NCKAP5: variants seen among roughly 807,000 people sequenced by gnomAD.
The protein encoded by NCKAP5 is NCK associated protein 5, also known as nck-associated protein 5.
In NCKAP5, 92 loss-of-function variants were observed where a neutral mutation model predicts 167.0. The ratio of observed to expected loss-of-function variants is 0.55; its 90% CI spans 0.47 to 0.66. The LOEUF (loss-of-function observed/expected upper bound fraction) is 0.66. Among genes scored for constraint, NCKAP5 ranks in the 30% least tolerant of loss-of-function variants. The pLI is 0.00. For missense variants in NCKAP5, 2,378 were observed against 2,315.0 expected (o/e 1.03, Z -0.56); for synonymous variants, 891 against 877.4 (o/e 1.02, Z -0.27).
chr2:133,483,646 C>T (rs1680657706), intron 3 of NCKAP5, among the ~76,000 whole-genome samples: 2 of 151,336 alleles, frequency 1.3e-5, no homozygotes, highest in Non-Finnish European at 1.5e-5. Context: ...GGCTTTTTCT[C>T]TCTTAAAATA....
chr2:132,865,820 AC>A (rs2148741086), intron 10 of NCKAP5, among the ~76,000 whole-genome samples: 1 of 152,232 alleles, frequency 6.6e-6, no homozygotes. Flanking sequence ...CTATGAGCAA[AC>A]TTTTTTTTTA....
intron 3 of NCKAP5, among the ~76,000 whole-genome samples, chr2:133,493,182 A>T (rs1681619777): frequency 6.6e-6 from 1 of 152,238 alleles, no homozygotes; most frequent in Non-Finnish European, 1.5e-5. Context: ...ATGCAATTCT[A>T]AATGTACTCT....
intron 11 of NCKAP5, among the ~76,000 whole-genome samples, chr2:132,800,927 C>A (rs1362550979): frequency 6.6e-6 from 1 of 152,306 alleles, no homozygotes; most frequent in African/African-American, 2.4e-5. Flanking sequence ...TGTCACGAAA[C>A]CTCGGGAACC....
intron 3 of NCKAP5, among the ~76,000 whole-genome samples, chr2:133,310,069 C>T (rs1681121849): frequency 6.6e-6 from 1 of 152,148 alleles, no homozygotes; most frequent in Admixed American, 6.5e-5. Flanking sequence ...ACTACCACAA[C>T]AAAGTAATTT....
chr2:132,691,723 C>G (rs1686754866), intron 19 of NCKAP5, among the ~76,000 whole-genome samples: 3 of 152,134 alleles, frequency 2.0e-5, no homozygotes, highest in Admixed American at 6.6e-5. Flanking sequence ...CAGAAACATT[C>G]CAACAATAAG....
intron 3 of NCKAP5, among the ~76,000 whole-genome samples, chr2:133,383,682 CA>C (rs1686701420): frequency 6.6e-6 from 1 of 152,218 alleles, no homozygotes; most frequent in Admixed American, 6.5e-5. Flanking sequence ...GTCCCACCAA[CA>C]GTGTAAAAGT....
At chr2:133,168,350 C>T (rs1453487492) in intron 5 of NCKAP5, among the ~76,000 whole-genome samples, 2 of 150,106 alleles carry the variant, frequency 1.3e-5, no homozygotes, top group African/African-American at 4.9e-5. Context: ...AGCATATGAC[C>T]ATATATAAAG....
intron 3 of NCKAP5, among the ~76,000 whole-genome samples, chr2:133,403,868 C>G (rs1253425380): frequency 1.3e-5 from 2 of 151,116 alleles, no homozygotes; most frequent in Non-Finnish European, 2.9e-5. Context: ...TTCCCATAAG[C>G]TGGTCTGCAG....
At chr2:132,750,423 C>T (rs1374862212) in intron 16 of NCKAP5, among the ~76,000 whole-genome samples, 1 of 152,120 alleles carries the variant, frequency 6.6e-6, no homozygotes, top group Non-Finnish European at 1.5e-5. Flanking sequence ...ATTGAATGTG[C>T]TTTTGTTTCT....
rs139352220 is a variant in NCKAP5, at chr2:133,377,673, A to G, written c.70-74563T>C. On this transcript the variant is annotated intron_variant, in intron 3 of 19. Coordinates refer to ENST00000409261, the MANE Select transcript of NCKAP5 (RefSeq NM_207363.3). ...TCCAGTGACCCCCTAATTTGCCTGG[A>G]AATAATGCAGAGACCACCTACCGTG... Among the ~76,000 whole-genome samples the G allele has an allele frequency of 4.8e-3, 732 of 152,324 alleles. 6 individuals carry two copies. Among genetic ancestry groups the G allele is most frequent in the Middle Eastern group, 0.017 (5 of 294 alleles).
the NCKAP5 span, among the ~76,000 whole-genome samples, chr2:133,580,616 G>T: frequency 4.3e-4 from 66 of 152,098 alleles, no homozygotes; most frequent in Non-Finnish European, 8.8e-4. Flanking sequence ...GGGAAGCCTC[G>T]TACTCACTTA....
At chr2:132,864,263 A>T (rs1558873072) in intron 10 of NCKAP5, among the ~76,000 whole-genome samples, 2 of 152,076 alleles carry the variant, frequency 1.3e-5, no homozygotes, top group South Asian at 4.1e-4. Flanking sequence ...AAAATATAAG[A>T]TTGTGTCTTC....
At chr2:133,194,286 A>T (rs1052491742) in intron 5 of NCKAP5, among the ~76,000 whole-genome samples, 4 of 152,040 alleles carry the variant, frequency 2.6e-5, no homozygotes, top group African/African-American at 9.7e-5. Context: ...GAAGCAATAG[A>T]ACACAGATTA....
At chr2:133,100,770 A>T (rs1448403425) in intron 6 of NCKAP5, among the ~76,000 whole-genome samples, 2 of 152,170 alleles carry the variant, frequency 1.3e-5, no homozygotes, top group Non-Finnish European at 2.9e-5. Flanking sequence ...TGGAAAAAAA[A>T]AACTTTTGTC....
Position 132,854,266 on chromosome 2 carries a change from A to G in NCKAP5, c.807+6226T>C, listed in dbSNP as rs74861551. Among the ~76,000 whole-genome samples, 207 of 152,332 alleles carry G rather than the reference A, an allele frequency of 1.4e-3. 1 individual carries two copies. The highest frequency in any genetic ancestry group is 4.8e-3 in the African/African-American group (199 of 41,584). On this transcript the variant is annotated intron_variant, in intron 11 of 19. Coordinates refer to ENST00000409261, the MANE Select transcript of NCKAP5 (RefSeq NM_207363.3). ...ATTTAGTCATGATGCATGGACTGGT[A>G]AGCTCTGGGTCTTGTTCAAAGAAAA...
intron 11 of NCKAP5, among the ~76,000 whole-genome samples, chr2:132,804,096 C>T (rs752277337): frequency 2.1e-5 from 3 of 146,300 alleles, no homozygotes; most frequent in Non-Finnish European, 4.6e-5. Flanking sequence ...AAACAAAATT[C>T]GGAAATATTT....
Position 132,783,938 on chromosome 2 carries a change from G to A in NCKAP5, c.2873C>T (p.Thr958Ile), listed in dbSNP as rs1301934679. ...CCTTGCTGTTTCACTGGGGACCCTG[G>A]TTTCGGACTTGGTGGATGAAGGTGC... is the stretch of plus-strand genomic sequence containing the variant. ...SPAPSSTKSETRVPSETARTP... is the reference protein window; with the variant it reads ...SPAPSSTKSEIRVPSETARTP... The change falls in exon 14 of 20, where the codon ACC becomes ATC. Residue 958 changes from threonine to isoleucine, a missense_variant. Thr to Ile is a moderately conservative substitution (Grantham distance 89). Around this residue, in one of 3 missense-constraint regions of NCKAP5, gnomAD observed 1,325 missense variants for 1,274.5 expected, o/e 1.04. Coordinates refer to ENST00000409261, the MANE Select transcript of NCKAP5 (RefSeq NM_207363.3). 1 of 1,581,370 alleles carries A rather than the reference G, an allele frequency of 6.3e-7. No individual in the cohort carries two copies. Among genetic ancestry groups the A allele is most frequent in the Non-Finnish European group, 8.6e-7 (1 of 1,167,016 alleles).
intron 4 of NCKAP5, among the ~76,000 whole-genome samples, chr2:133,216,238 C>T (rs770532315): frequency 4.0e-5 from 6 of 151,866 alleles, no homozygotes; most frequent in East Asian, 1.9e-4. Flanking sequence ...GACTAGGTAA[C>T]GAGAAACAAG....
intron 3 of NCKAP5, among the ~76,000 whole-genome samples, chr2:133,422,170 A>AGAGT (rs1237328154): frequency 5.3e-5 from 8 of 152,242 alleles, no homozygotes; most frequent in Non-Finnish European, 1.5e-5. Context: ...GGCAACACTT[A>AGAGT]GAGTGACATC....
Sources: gnomAD v4.1 joint callset for allele counts (sites outside exome capture counted in the v4.1 genomes callset) on GRCh38, gnomAD v4.1.1 for gene constraint, gnomAD v4.1.1 regional missense constraint, MANE v1.5 for transcripts, NCBI Gene and HGNC (gene_info 2026-07-23, HGNC 2026-07-21) for gene names.